The following NELL2 variants were observed in gnomAD, a reference collection of about 807,000 sequenced individuals.
NELL2 encodes the protein neural EGFL like 2.
In NELL2, 41 loss-of-function variants were observed where a neutral mutation model predicts 109.6. That is an observed-to-expected ratio of 0.37 (90% CI 0.29 to 0.49). The LOEUF (loss-of-function observed/expected upper bound fraction) is 0.49. Ranked by LOEUF, NELL2 falls within the 20% of genes least tolerant of loss-of-function variation. NELL2 has a pLI of 0.98. For missense variants in NELL2, 900 were observed against 1,008.3 expected (o/e 0.89, Z 1.45); for synonymous variants, 355 against 344.7 (o/e 1.03, Z -0.33).
chr12:44,600,127 A>AATTT (rs57168113), intron 15 of NELL2, among the ~76,000 whole-genome samples: 12,595 of 132,060 alleles, frequency 0.095, 686 homozygotes, highest in East Asian at 0.13. Flanking sequence ...ACGCCCGGCT[A>AATTT]ATTTATTTAT....
intron 13 of NELL2, among the ~76,000 whole-genome samples, chr12:44,631,116 C>T (rs1162930822): frequency 6.6e-6 from 1 of 151,698 alleles, no homozygotes; most frequent in Non-Finnish European, 1.5e-5. Context: ...TTTGATTGCT[C>T]TTATTTGTTA....
At chr12:44,880,478 G>A (rs115073602), upstream of NELL2, among the ~76,000 whole-genome samples, 6 of 151,824 alleles carry the variant, frequency 4.0e-5, no homozygotes, top group East Asian at 1.9e-4. Context: ...TGCCAAGACC[G>A]ATAAAAAGAA....
At position 44,592,929 on chromosome 12, in the gene NELL2, G is replaced by C. The variant is rs1480065702; in HGVS notation, c.1663+14240C>G. Among the ~76,000 whole-genome samples the C allele has an allele frequency of 3.3e-5, 5 of 152,032 alleles. No individual in the cohort carries two copies. The South Asian group carries it at 8.3e-4, about 25-fold the overall frequency. On this transcript the variant is annotated intron_variant, in intron 15 of 19. Coordinates refer to ENST00000429094, the MANE Select transcript of NELL2 (RefSeq NM_001145108.2). ...GATCTCTATTTCATTTTGTCTTTTT[G>C]ACATTTGTTTTGTTCCTCTTTGGTC...
At chr12:44,820,740 G>A (rs1336211226) in intron 2 of NELL2, among the ~76,000 whole-genome samples, 1 of 152,172 alleles carries the variant, frequency 6.6e-6, no homozygotes, top group Non-Finnish European at 1.5e-5. Flanking sequence ...GAGACTTAAT[G>A]AAAGGAAATG....
chr12:44,559,495 A>C (rs1391360137), intron 15 of NELL2, among the ~76,000 whole-genome samples: 1 of 152,202 alleles, frequency 6.6e-6, no homozygotes, highest in Non-Finnish European at 1.5e-5. Flanking sequence ...TTTACCAAAC[A>C]AATGGAAAGC....
intron 3 of NELL2, among the ~76,000 whole-genome samples, chr12:44,793,091 G>C (rs892186625): frequency 2.0e-5 from 3 of 152,060 alleles, no homozygotes; most frequent in African/African-American, 7.2e-5. Context: ...TAAACAAAAA[G>C]GCTGTGTATA....
intron 2 of NELL2, among the ~76,000 whole-genome samples, chr12:44,829,084 A>C (rs1290866067): frequency 6.6e-6 from 1 of 152,190 alleles, no homozygotes; most frequent in Non-Finnish European, 1.5e-5. Flanking sequence ...AAAACTGAGT[A>C]GGTAAACCAG....
At chr12:44,824,581 G>A (rs1795989006) in intron 2 of NELL2, among the ~76,000 whole-genome samples, 1 of 151,768 alleles carries the variant, frequency 6.6e-6, no homozygotes, top group Admixed American at 6.6e-5. Context: ...TTATTTCTGG[G>A]CTATAACTAT....
chr12:44,778,724 C>A (rs983516320), intron 5 of NELL2, among the ~76,000 whole-genome samples: 6 of 152,136 alleles, frequency 3.9e-5, no homozygotes, highest in Non-Finnish European at 8.8e-5. Flanking sequence ...AGTTACTTTA[C>A]CCCTCTGTGC....
At chr12:44,671,764 C>A (rs767038049) in intron 12 of NELL2, among the ~76,000 whole-genome samples, 1 of 152,068 alleles carries the variant, frequency 6.6e-6, no homozygotes, top group African/African-American at 2.4e-5. Context: ...AAGACTGGAT[C>A]GGGAATAAAA....
At chr12:44,719,160 G>A (rs1216035294) in intron 9 of NELL2, among the ~76,000 whole-genome samples, 1 of 152,196 alleles carries the variant, frequency 6.6e-6, no homozygotes, top group African/African-American at 2.4e-5. Flanking sequence ...CAGCAAATAG[G>A]AGCCAAGAGA....
chr12:44,918,517 A>ATGTGTGTGTGTGTGTGTGTG (rs10589306), upstream of NELL2, among the ~76,000 whole-genome samples: 1 of 123,882 alleles, frequency 8.1e-6, no homozygotes, highest in Non-Finnish European at 1.7e-5. Context: ...GCATGCATGT[A>ATGTGTGTGTGTGTGTGTGTG]TGTGTGTGTG....
rs551625973 is a variant in NELL2 at position 44,581,004 on chromosome 12, C to T, written c.1663+26165G>A. On this transcript the variant is annotated intron_variant, in intron 15 of 19. Transcript: ENST00000429094. ...CATGTTACCTTCATTTTGAGACGAA[C>T]TTTTTTAAAAATGTAATATTTGCAT... 9.7e-4 allele frequency among the ~76,000 whole-genome samples: 147 copies of T among 152,178 alleles called. 1 individual carries two copies. The highest frequency in any genetic ancestry group is 3.3e-3 in the African/African-American group (136 of 41,538).
intron 11 of NELL2, among the ~76,000 whole-genome samples, chr12:44,704,213 A>ATCTG (rs1483995722): frequency 1.3e-5 from 2 of 152,150 alleles, no homozygotes; most frequent in East Asian, 3.9e-4. Flanking sequence ...TGAGAAGGTA[A>ATCTG]TCTGGTAACT....
At chr12:44,613,553 T>G (rs1945704468) in intron 13 of NELL2, among the ~76,000 whole-genome samples, 1 of 152,122 alleles carries the variant, frequency 6.6e-6, no homozygotes, top group South Asian at 2.1e-4. Context: ...ATTTCAAATA[T>G]TAATTAAGAT....
At chr12:44,836,549 A>G (rs980853445) in intron 2 of NELL2, among the ~76,000 whole-genome samples, 1 of 152,202 alleles carries the variant, frequency 6.6e-6, no homozygotes, top group Non-Finnish European at 1.5e-5. Flanking sequence ...TTCTGAAGGA[A>G]TAAAGGGAGG....
At chr12:44,714,232 A>C (rs1938365939) in intron 10 of NELL2, among the ~76,000 whole-genome samples, 1 of 151,836 alleles carries the variant, frequency 6.6e-6, no homozygotes, top group South Asian at 2.1e-4. Flanking sequence ...ATCAGTCTCA[A>C]CTCCATCCAA....
intron 1 of NELL2, among the ~76,000 whole-genome samples, chr12:44,920,429 T>A (rs565675028): frequency 6.6e-6 from 1 of 152,194 alleles, no homozygotes; most frequent in Non-Finnish European, 1.5e-5. Flanking sequence ...TGGAAGAAGA[T>A]GTTTTGTATT....
At chr12:44,790,334 A>G (rs1213420806) in intron 3 of NELL2, among the ~76,000 whole-genome samples, 2 of 152,178 alleles carry the variant, frequency 1.3e-5, no homozygotes, top group Non-Finnish European at 2.9e-5. Flanking sequence ...GCCTCCTCAA[A>G]CAAAACAATT....
Sources: gnomAD v4.1 joint callset for allele counts (sites outside exome capture counted in the v4.1 genomes callset) on GRCh38, gnomAD v4.1.1 for gene constraint, MANE v1.5 for transcripts, NCBI Gene and HGNC (gene_info 2026-07-23, HGNC 2026-07-21) for gene names.